Variants in WWOX observed in about 807,000 individuals in gnomAD.
WWOX encodes WW domain-containing oxidoreductase.
WWOX carries 69 observed loss-of-function variants against 46.2 expected under a neutral mutation model. That is an observed-to-expected ratio of 1.49 (90% CI 1.23 to 1.82). The LOEUF (loss-of-function observed/expected upper bound fraction) is 1.82. WWOX is among the 40% of genes most tolerant of loss of function. The pLI is 0.00. For missense variants in WWOX, 919 were observed against 542.6 expected (o/e 1.69, Z -6.89); for synonymous variants, 359 against 202.6 (o/e 1.77, Z -6.56).
chr16:78,190,189 A>G (rs533674859), intron 5 of WWOX, among the ~76,000 whole-genome samples: 62 of 152,200 alleles, frequency 4.1e-4, no homozygotes, highest in Non-Finnish European at 3.5e-4. Flanking sequence ...CTTAGGCCAG[A>G]CCAGTCCCTA....
At chr16:78,739,526 C>A (rs562702023) in intron 8 of WWOX, among the ~76,000 whole-genome samples, 1 of 152,178 alleles carries the variant, frequency 6.6e-6, no homozygotes, top group Admixed American at 6.5e-5. Flanking sequence ...TAAAGAAATT[C>A]CTTGGCTGGG....
At chr16:78,740,321 G>C (rs1290923360) in intron 8 of WWOX, among the ~76,000 whole-genome samples, 1 of 152,182 alleles carries the variant, frequency 6.6e-6, no homozygotes, top group East Asian at 1.9e-4. Flanking sequence ...CCGTCGGGGG[G>C]CTCCTGAGAG....
chr16:78,806,760 C>T (rs749359111), intron 8 of WWOX, among the ~76,000 whole-genome samples: 1 of 152,128 alleles, frequency 6.6e-6, no homozygotes, highest in Non-Finnish European at 1.5e-5. Context: ...CCCACCCCAA[C>T]CAGGTTTGCA....
intron 8 of WWOX, chr16:78,892,070 C>G (rs1401086397): frequency 1.3e-5 from 2 of 152,046 alleles, no homozygotes; most frequent in Non-Finnish European, 2.9e-5. Flanking sequence ...GGTTTTTTTC[C>G]TTGCTTAGTG....
intron 8 of WWOX, among the ~76,000 whole-genome samples, chr16:78,734,841 CTTTTTTTTTTTTTTTTTTTTTTT>C (rs60560119): frequency 3.9e-3 from 156 of 40,126 alleles, no homozygotes; most frequent in East Asian, 9.2e-3. Context: ...GACTTCAGTC[CTTTTTTTTTTTTTTTTTTTTTTT>C]TTTTTTTTTT....
chr16:79,092,516 C>T (rs540021079), intron 8 of WWOX, among the ~76,000 whole-genome samples: 1 of 152,328 alleles, frequency 6.6e-6, no homozygotes, highest in East Asian at 1.9e-4. Context: ...AGCTCTTTCC[C>T]CTGGAAATGG....
chr16:78,650,205 C>T (rs1047483898), intron 8 of WWOX, among the ~76,000 whole-genome samples: 1 of 152,132 alleles, frequency 6.6e-6, no homozygotes, highest in Admixed American at 6.6e-5. Flanking sequence ...TCTCATTTTT[C>T]TTTGTAACAC....
chr16:78,676,572 G>C (rs2047605053), intron 8 of WWOX, among the ~76,000 whole-genome samples: 1 of 152,068 alleles, frequency 6.6e-6, no homozygotes, highest in Non-Finnish European at 1.5e-5. Context: ...ATTTTCATCA[G>C]GATGAAATAT....
chr16:79,093,874 C>A (rs929636808), intron 8 of WWOX, among the ~76,000 whole-genome samples: 2 of 152,154 alleles, frequency 1.3e-5, no homozygotes, highest in African/African-American at 4.8e-5. Flanking sequence ...CCAGAGTGGG[C>A]CTCACCGCAG....
At chr16:78,386,299 T>C (rs930045510) in intron 5 of WWOX, among the ~76,000 whole-genome samples, 3 of 152,208 alleles carry the variant, frequency 2.0e-5, no homozygotes, top group African/African-American at 7.2e-5. Flanking sequence ...CACCTGTTGA[T>C]AGAGTTTTCT....
At chr16:78,611,862 AG>A (rs1597346504) in intron 8 of WWOX, among the ~76,000 whole-genome samples, 1 of 152,352 alleles carries the variant, frequency 6.6e-6, no homozygotes, top group East Asian at 1.9e-4. Context: ...CTACTTTGGA[AG>A]GGGCGTGGCA....
intron 5 of WWOX, among the ~76,000 whole-genome samples, chr16:78,297,740 A>ATATCCTTT (rs1487044739): frequency 2.5e-4 from 38 of 152,188 alleles, no homozygotes; most frequent in Non-Finnish European, 5.9e-5. Context: ...TGCATGGTGG[A>ATATCCTTT]ATACAAAAGT....
chr16:78,623,861 T>G (rs1308560746), intron 8 of WWOX, among the ~76,000 whole-genome samples: 13 of 152,154 alleles, frequency 8.5e-5, no homozygotes, highest in Admixed American at 8.5e-4. Flanking sequence ...TAGACACACT[T>G]CCACCTACAG....
At chr16:78,682,233 C>T (rs1054067469) in intron 8 of WWOX, among the ~76,000 whole-genome samples, 3 of 152,180 alleles carry the variant, frequency 2.0e-5, no homozygotes, top group Admixed American at 1.3e-4. Flanking sequence ...ACCCACTATG[C>T]CACTCTTCTG....
intron 8 of WWOX, among the ~76,000 whole-genome samples, chr16:79,108,572 G>T (rs1250089492): frequency 6.6e-6 from 1 of 152,180 alleles, no homozygotes; most frequent in Non-Finnish European, 1.5e-5. Context: ...AGGGTGATTG[G>T]CTATTTTCAT....
intron 8 of WWOX, among the ~76,000 whole-genome samples, chr16:78,957,477 T>A (rs1025941929): frequency 1.3e-5 from 2 of 152,224 alleles, no homozygotes; most frequent in African/African-American, 4.8e-5. Flanking sequence ...GGATGTCGCC[T>A]GTGTTTGGGG....
At chr16:78,393,400 A>G (rs577451397) in intron 6 of WWOX, among the ~76,000 whole-genome samples, 3 of 152,274 alleles carry the variant, frequency 2.0e-5, no homozygotes, top group East Asian at 1.9e-4. Context: ...GTTCATGCCT[A>G]TAATCCCAGC....
chr16:78,586,930 T>G (rs2045222391), intron 8 of WWOX, among the ~76,000 whole-genome samples: 1 of 152,180 alleles, frequency 6.6e-6, no homozygotes, highest in Non-Finnish European at 1.5e-5. Flanking sequence ...CTCCCACTTT[T>G]CTTAACCCTA....
intron 8 of WWOX, among the ~76,000 whole-genome samples, chr16:78,521,845 T>G (rs1214873328): frequency 6.6e-6 from 1 of 151,690 alleles, no homozygotes; most frequent in African/African-American, 2.4e-5. Flanking sequence ...CTATGAAAAA[T>G]GACTTGTGTG....
Sources: allele counts gnomAD v4.1 joint callset (sites outside exome capture counted in the v4.1 genomes callset), GRCh38; gene constraint gnomAD v4.1.1; transcripts MANE v1.5; gene names NCBI Gene and HGNC (gene_info 2026-07-23, HGNC 2026-07-21).